PPIP5K2: variants seen among roughly 807,000 people sequenced by gnomAD.
PPIP5K2 encodes the protein diphosphoinositol pentakisphosphate kinase 2.
In PPIP5K2, 105 loss-of-function variants were observed where a neutral mutation model predicts 154.6. The observed-to-expected ratio is 0.68, with a 90% CI of 0.58 to 0.80. The LOEUF is 0.80. Ranked by LOEUF, PPIP5K2 falls within the 30% of genes least tolerant of loss-of-function variation. The probability of loss-of-function intolerance (pLI) is 0.00; values close to 1 mark genes in which losing one functional copy is unlikely to be tolerated. For missense variants in PPIP5K2, 992 were observed against 1,504.6 expected (o/e 0.66, Z 5.64); for synonymous variants, 480 against 490.3 (o/e 0.98, Z 0.28).
intron 5 of PPIP5K2, among the ~76,000 whole-genome samples, chr5:103,141,764 C>T (rs1792715612): frequency 6.6e-6 from 1 of 151,452 alleles, no homozygotes; most frequent in African/African-American, 2.4e-5. Flanking sequence ...GAGCTAGATA[C>T]AGAGTGCCGA....
In PPIP5K2 at chr5:103,154,344, T is replaced by C. The variant is rs77923886; in HGVS notation, c.1218-326T>C. 0.012 allele frequency among the ~76,000 whole-genome samples: 1,827 copies of C among 152,152 alleles called. 124 individuals are homozygous for C. In the East Asian group the frequency reaches 0.21, roughly 17 times the overall value. On this transcript the variant is annotated intron_variant, in intron 11 of 30. Coordinates refer to ENST00000358359, the MANE Select transcript of PPIP5K2 (RefSeq NM_001276277.3). The stretch of plus-strand genomic sequence containing the variant: ...TGAAAACCCTGAGCCATTAAGTATG[T>C]GTTGACACAAGTAATTTTCAATGTA...
At chr5:103,131,932 G>A (rs1554202782) in intron 2 of PPIP5K2, among the ~76,000 whole-genome samples, 33 of 152,088 alleles carry the variant, frequency 2.2e-4, no homozygotes, top group Non-Finnish European at 1.5e-5. Context: ...TCATTAAATA[G>A]ATTTATAATA....
chr5:103,152,728 T>C lies in PPIP5K2; in HGVS notation c.1109T>C (p.Val370Ala). 1 of 1,565,868 alleles carries C rather than the reference T, an allele frequency of 6.4e-7. No individual in the cohort carries two copies. Among genetic ancestry groups the C allele is most frequent in the Non-Finnish European group, 8.8e-7 (1 of 1,137,188 alleles). Reference protein sequence around the residue: ...IPLEAEDIPIVPTTSGTMMEL... With the variant: ...IPLEAEDIPIAPTTSGTMMEL... The stretch of plus-strand genomic sequence containing the variant: ...TTAGAAGCTGAAGATATCCCAATTG[T>C]ACCAACTACATCTGGAACTATGTAA... The change falls in exon 10 of 31, where the codon GTA becomes GCA. Residue 370 changes from valine to alanine, a missense_variant. Transcript: ENST00000358359.
intron 21 of PPIP5K2, chr5:103,176,967 A>G: frequency 1.5e-6 from 2 of 1,297,986 alleles, no homozygotes; most frequent in East Asian, 2.6e-5. Context: ...ATATCACTTC[A>G]GTGTAATAGG....
intron 11 of PPIP5K2, 45 bp downstream of exon 11, chr5:103,153,979 A>G (rs1795025875): frequency 7.2e-7 from 1 of 1,397,558 alleles, no homozygotes; most frequent in South Asian, 1.3e-5. Flanking sequence ...TACAATTTTA[A>G]GATTTCTGAT....
At position 103,180,049 on chromosome 5, in the gene PPIP5K2, A is replaced by G. The variant is rs1554222074; in HGVS notation, c.2783A>G (p.Asp928Gly). Residue 928 changes from aspartate to glycine, a missense_variant, in exon 24 of 31, where the codon GAT becomes GGT. Asp to Gly is a moderately conservative substitution (Grantham distance 94). Transcript: ENST00000358359. ...ENEGRRPFKI[D>G]NDDEPHTSKR... ...GAAGGCAGGAGACCTTTTAAAATTG[A>G]TAATGATGATGAACCACATACTTCT... 2 of 1,558,096 alleles carry G rather than the reference A, an allele frequency of 1.3e-6. No individual in the cohort carries two copies. Among genetic ancestry groups the G allele is most frequent in the South Asian group, 1.2e-5 (1 of 81,270 alleles).
chr5:103,193,646 C>T (rs868947880), intron 29 of PPIP5K2, among the ~76,000 whole-genome samples: 5 of 152,096 alleles, frequency 3.3e-5, no homozygotes, highest in Middle Eastern at 3.4e-3. Flanking sequence ...CTTTTTATCT[C>T]TTAGATTATT....
At chr5:103,192,323 A>C (rs1200355016) in intron 29 of PPIP5K2, among the ~76,000 whole-genome samples, 2 of 152,264 alleles carry the variant, frequency 1.3e-5, no homozygotes, top group Middle Eastern at 3.4e-3. Flanking sequence ...AGACAGGAAA[A>C]TGAAGGTGGT....
At chr5:103,183,532 G>C (rs1322304209) in intron 25 of PPIP5K2, 125 bp downstream of exon 25, 5 of 819,058 alleles carry the variant, frequency 6.1e-6, no homozygotes, top group Non-Finnish European at 9.3e-6. Flanking sequence ...TTTTAATTTT[G>C]AGTTCATTTA....
In PPIP5K2 at chr5:103,209,247, C is replaced by T. The variant is rs1803674632; in HGVS notation, c.*7613C>T. ...AAGATGTACAAGATAGCTCCTAATG[C>T]TCTTTTATGGCTGCTCCTGTTGCCA... is the stretch of plus-strand genomic sequence containing the variant. On this transcript the variant is annotated 3_prime_UTR_variant, in exon 31 of 31. Transcript: ENST00000358359. 2.0e-5 allele frequency: 3 copies of T among 152,232 alleles called. No homozygotes were observed. The South Asian group carries it at 6.2e-4, about 32-fold the overall frequency. 9.4% of individuals were successfully genotyped at this position (152,232 alleles called of 1,614,324 possible).
chr5:103,195,800 A>G (rs1554228333), intron 30 of PPIP5K2, among the ~76,000 whole-genome samples: 1 of 152,154 alleles, frequency 6.6e-6, no homozygotes, highest in Non-Finnish European at 1.5e-5. Flanking sequence ...GGCTTTGACA[A>G]CAGCCTCATT....
At chr5:103,171,799 C>G (rs915765556) in intron 19 of PPIP5K2, among the ~76,000 whole-genome samples, 9 of 151,580 alleles carry the variant, frequency 5.9e-5, no homozygotes, top group African/African-American at 2.2e-4. Flanking sequence ...CAAATACATT[C>G]TTTATGAAAA....
rs1554214860 is a variant in PPIP5K2, at chr5:103,159,279, A to G, written c.1871A>G (p.His624Arg). The G allele has an allele frequency of 6.2e-7, 1 of 1,613,220 alleles. No homozygotes were observed. Among genetic ancestry groups the G allele is most frequent in the African/African-American group, 1.3e-5 (1 of 74,872 alleles). Reference protein sequence around the residue: ...SCQQRVKARLHEILQKDRDFT... With the variant: ...SCQQRVKARLREILQKDRDFT... The stretch of plus-strand genomic sequence containing the variant: ...CAGCAACGTGTGAAGGCAAGGCTTC[A>G]TGAAATACTTCAGAAAGACAGAGAT... The change falls in exon 17 of 31, where the codon CAT becomes CGT. Residue 624 changes from histidine (H) to arginine (R), a missense_variant. His to Arg is a conservative substitution (Grantham distance 29, BLOSUM62 0). Around this residue, in one of 9 missense-constraint regions of PPIP5K2, gnomAD observed 82 missense variants for 91.8 expected, o/e 0.89. Transcript: ENST00000358359.
At chr5:103,161,392 T>G (rs1284300179) in intron 17 of PPIP5K2, among the ~76,000 whole-genome samples, 33 of 152,182 alleles carry the variant, frequency 2.2e-4, no homozygotes, top group African/African-American at 7.5e-4. Context: ...CAAGTCTTTG[T>G]TATTGTGAAT....
At chr5:103,133,215 C>G (rs1377870917) in intron 2 of PPIP5K2, among the ~76,000 whole-genome samples, 5 of 152,098 alleles carry the variant, frequency 3.3e-5, no homozygotes, top group African/African-American at 1.2e-4. Flanking sequence ...AAAATAGCAA[C>G]CATATTTATT....
intron 30 of PPIP5K2, among the ~76,000 whole-genome samples, chr5:103,197,287 A>T (rs1802237710): frequency 1.3e-5 from 2 of 152,074 alleles, no homozygotes; most frequent in African/African-American, 4.8e-5. Flanking sequence ...TTAATTTTAT[A>T]TCAATTAATT....
At chr5:103,166,567 CATCGCTTACAAAAGTGTCTTGA>C (rs1797150184) in intron 17 of PPIP5K2, among the ~76,000 whole-genome samples, 1 of 151,970 alleles carries the variant, frequency 6.6e-6, no homozygotes, top group Non-Finnish European at 1.5e-5. Context: ...TGGCTGGTAT[CATCGCTTACAAAAGTGTCTTGA>C]CCCTGACAGA....
chr5:103,163,894 C>T (rs1796733222), intron 17 of PPIP5K2, among the ~76,000 whole-genome samples: 1 of 151,770 alleles, frequency 6.6e-6, no homozygotes, highest in Non-Finnish European at 1.5e-5. Flanking sequence ...ATGTTCATGT[C>T]AGATTGGCCT....
At chr5:103,147,855 A>G (rs1793990577) in intron 6 of PPIP5K2, 76 bp from the exon 7 acceptor site, 1 of 862,254 alleles carries the variant, frequency 1.2e-6, no homozygotes. Flanking sequence ...ATGGTAAATA[A>G]ACTATTTGTC....
Sources: allele counts gnomAD v4.1 joint callset (sites outside exome capture counted in the v4.1 genomes callset), GRCh38; gene constraint gnomAD v4.1.1; regional missense constraint gnomAD v4.1.1; transcripts MANE v1.5; gene names NCBI Gene and HGNC (gene_info 2026-07-23, HGNC 2026-07-21).